Variants in VSTM4 observed in about 807,000 individuals in gnomAD.
VSTM4 encodes V-set and transmembrane domain-containing protein 4.
Under a neutral mutation model 36.4 loss-of-function variants are expected in VSTM4, and 20 were observed. That is an observed-to-expected ratio of 0.55 (90% CI 0.39 to 0.80). The LOEUF is 0.80. VSTM4 is among the 30% of genes least tolerant of loss of function. The pLI, the probability that VSTM4 is intolerant of heterozygous loss-of-function variation, is 0.00. For missense variants in VSTM4, 392 were observed against 404.5 expected (o/e 0.97, Z 0.26); for synonymous variants, 182 against 173.9 (o/e 1.05, Z -0.37).
At chr10:49,037,358 C>G (rs993235520) in intron 7 of VSTM4, among the ~76,000 whole-genome samples, 4 of 152,214 alleles carry the variant, frequency 2.6e-5, no homozygotes, top group African/African-American at 9.7e-5. Flanking sequence ...GCAGGTTCCA[C>G]TTCAGTAGGT....
At chr10:49,075,704 C>T (rs2081773934) in intron 4 of VSTM4, among the ~76,000 whole-genome samples, 1 of 152,248 alleles carries the variant, frequency 6.6e-6, no homozygotes, top group Admixed American at 6.5e-5. Flanking sequence ...GACACCCATG[C>T]TACAGCCTCT....
intron 5 of VSTM4, among the ~76,000 whole-genome samples, chr10:49,049,711 A>C (rs1843668411): frequency 6.6e-6 from 1 of 152,180 alleles, no homozygotes; most frequent in Admixed American, 6.5e-5. Context: ...AACATGCTAA[A>C]GCTCCCTCAG....
chr10:49,077,375 A>C, intron 3 of VSTM4, 49 bp from the exon 4 acceptor site: 1 of 1,544,484 alleles, frequency 6.5e-7, no homozygotes, highest in Non-Finnish European at 8.9e-7. Context: ...GGGCCGCAGC[A>C]GAAGTGCGCT....
intron 1 of VSTM4, among the ~76,000 whole-genome samples, chr10:49,109,807 T>C (rs981905899): frequency 8.5e-5 from 13 of 152,282 alleles, no homozygotes; most frequent in African/African-American, 3.1e-4. Context: ...CTGGTAGCAA[T>C]CCCGCTGTCA....
intron 7 of VSTM4, among the ~76,000 whole-genome samples, chr10:49,045,549 A>T (rs973614492): frequency 6.6e-6 from 1 of 152,212 alleles, no homozygotes; most frequent in African/African-American, 2.4e-5. Context: ...CTCCCCTAAG[A>T]TTTTTATTAA....
intron 7 of VSTM4, among the ~76,000 whole-genome samples, chr10:49,038,773 G>A (rs1843472559): frequency 6.6e-6 from 1 of 152,064 alleles, no homozygotes; most frequent in Non-Finnish European, 1.5e-5. Flanking sequence ...AGTCAGAAGG[G>A]TTGTTCTGAA....
chr10:49,024,362 G>A (rs534108991), intron 7 of VSTM4, among the ~76,000 whole-genome samples: 1 of 152,156 alleles, frequency 6.6e-6, no homozygotes, highest in Non-Finnish European at 1.5e-5. Flanking sequence ...GAGCAAGGGG[G>A]GATGGAGGGT....
At position 49,050,686 on chromosome 10, in the gene VSTM4, A is replaced by G. The variant is rs151218949; in HGVS notation, c.669-2102T>C. On this transcript the variant is annotated intron_variant, in intron 5 of 7. Coordinates refer to ENST00000332853, the MANE Select transcript of VSTM4 (RefSeq NM_001031746.5). ...TAAATTCTCAGAATTGTTTACATATACAACCACATGTTCAGCTTCATTCTG... is the reference window on the plus strand; with the variant it reads ...TAAATTCTCAGAATTGTTTACATATGCAACCACATGTTCAGCTTCATTCTG... Among the ~76,000 whole-genome samples the G allele has an allele frequency of 2.0e-3, 302 of 152,362 alleles. 3 individuals are homozygous for G. The highest frequency in any genetic ancestry group is 7.1e-3 in the African/African-American group (295 of 41,590).
chr10:49,041,903 G>C (rs1359481471), intron 7 of VSTM4, among the ~76,000 whole-genome samples: 1 of 152,130 alleles, frequency 6.6e-6, no homozygotes, highest in Non-Finnish European at 1.5e-5. Flanking sequence ...TCAATATATA[G>C]TTGTTTCTGT....
intron 1 of VSTM4, among the ~76,000 whole-genome samples, chr10:49,115,191 G>C (rs1844971218): frequency 6.6e-6 from 1 of 152,120 alleles, no homozygotes; most frequent in African/African-American, 2.4e-5. Flanking sequence ...CCCAGCCCCA[G>C]GCGAGGTCGG....
intron 4 of VSTM4, among the ~76,000 whole-genome samples, chr10:49,076,338 A>G (rs1435539217): frequency 6.6e-6 from 1 of 152,178 alleles, no homozygotes; most frequent in Non-Finnish European, 1.5e-5. Context: ...CCTCACTATG[A>G]GCCTGAGACT....
Position 49,058,651 on chromosome 10 carries a change from A to G in VSTM4, c.668+6052T>C, listed in dbSNP as rs149168972. 9.3e-4 allele frequency among the ~76,000 whole-genome samples: 141 copies of G among 152,270 alleles called. No homozygotes were observed. The East Asian group carries it at 0.02, about 22-fold the overall frequency. On this transcript the variant is annotated intron_variant, in intron 5 of 7. Transcript: ENST00000332853. ...AGGGACAATAAACATTCAAGATGAGATTTATTTTCCTTCCGTTTGAACTTT... is the reference window on the plus strand; with the variant it reads ...AGGGACAATAAACATTCAAGATGAGGTTTATTTTCCTTCCGTTTGAACTTT...
At chr10:49,090,345 C>T (rs962808293) in intron 2 of VSTM4, among the ~76,000 whole-genome samples, 5 of 152,198 alleles carry the variant, frequency 3.3e-5, no homozygotes, top group African/African-American at 1.2e-4. Flanking sequence ...AATTTGCTGA[C>T]TCTTCCTATG....
Position 49,019,283 on chromosome 10 carries a change from A to AAGAGTAGAGAGT in VSTM4, c.*355_*366dup, listed in dbSNP as rs1843144885. 1 of 158,262 alleles carries AAGAGTAGAGAGT rather than the reference A, an allele frequency of 6.3e-6. No homozygotes were observed. Among genetic ancestry groups the AAGAGTAGAGAGT allele is most frequent in the Non-Finnish European group, 1.4e-5 (1 of 72,368 alleles). The allele number at this position is 158,262 out of a possible 1,614,324, so 9.8% of individuals were successfully genotyped here. Reference sequence around the variant, plus strand: ...TGTGAGCTTGTATCGTGGATACAGGAAGAGTAGAGAGTAAAATTAAGATTT... The same window carrying AAGAGTAGAGAGT: ...TGTGAGCTTGTATCGTGGATACAGGAAGAGTAGAGAGTAGAGTAGAGAGTAAAATTAAGATTT... On this transcript the variant is annotated 3_prime_UTR_variant, in exon 8 of 8. Transcript: ENST00000332853.
Position 49,018,948 on chromosome 10 carries a change from A to G in VSTM4, c.*702T>C, listed in dbSNP as rs562210571. On this transcript the variant is annotated 3_prime_UTR_variant, in exon 8 of 8. Transcript: ENST00000332853. ...TTCTTAGAGAGTGTGTTTCTCTATC[A>G]GTACAGGTCCACCTTGTGAAAGGGC... 2 of 152,260 alleles carry G rather than the reference A, an allele frequency of 1.3e-5. No homozygotes were observed. The highest frequency in any genetic ancestry group is 2.9e-5 in the Non-Finnish European group (2 of 68,056). The allele number at this position is 152,260 out of a possible 1,614,324, so 9.4% of individuals were successfully genotyped here.
intron 7 of VSTM4, among the ~76,000 whole-genome samples, chr10:49,021,855 G>C (rs566821255): frequency 5.9e-5 from 9 of 152,188 alleles, no homozygotes; most frequent in Admixed American, 2.6e-4. Flanking sequence ...AAGAATGAGG[G>C]AGGAGCTATA....
intron 7 of VSTM4, among the ~76,000 whole-genome samples, chr10:49,041,621 G>A (rs1843523004): frequency 6.6e-6 from 1 of 152,192 alleles, no homozygotes; most frequent in Non-Finnish European, 1.5e-5. Context: ...GCTTAAGATA[G>A]CATTTTGCAC....
intron 3 of VSTM4, among the ~76,000 whole-genome samples, chr10:49,078,817 AG>A (rs2131993366): frequency 1.3e-5 from 2 of 152,270 alleles, no homozygotes; most frequent in South Asian, 4.2e-4. Context: ...AACTGGTACA[AG>A]GGATCTCTGT....
chr10:49,072,429 T>G (rs1427653280), intron 4 of VSTM4, among the ~76,000 whole-genome samples: 1 of 152,178 alleles, frequency 6.6e-6, no homozygotes, highest in East Asian at 1.9e-4. Context: ...CAGGAATGAT[T>G]GGGCAGTATC....
Sources: allele counts gnomAD v4.1 joint callset (sites outside exome capture counted in the v4.1 genomes callset), GRCh38; gene constraint gnomAD v4.1.1; transcripts MANE v1.5; gene names NCBI Gene and HGNC (gene_info 2026-07-23, HGNC 2026-07-21).